RAB11FIP3: variants seen among roughly 807,000 people sequenced by gnomAD.
RAB11FIP3 encodes rab11 family-interacting protein 3.
In RAB11FIP3, 17 loss-of-function variants were observed where a neutral mutation model predicts 77.8. That is an observed-to-expected ratio of 0.22 (90% CI 0.15 to 0.33). RAB11FIP3 has a LOEUF of 0.33. Ranked by LOEUF, RAB11FIP3 falls within the 10% of genes least tolerant of loss-of-function variation. The pLI is 1.00. For missense variants in RAB11FIP3, 1,005 were observed against 1,011.2 expected (o/e 0.99, Z 0.08); for synonymous variants, 437 against 448.2 (o/e 0.98, Z 0.31).
rs1187968632 is a variant in RAB11FIP3 at position 472,981 on chromosome 16, C to T, written c.903+1592C>T. Among the ~76,000 whole-genome samples the T allele has an allele frequency of 6.6e-6, 1 of 152,160 alleles. No homozygotes were observed. Among genetic ancestry groups the T allele is most frequent in the Non-Finnish European group, 1.5e-5 (1 of 68,026 alleles). On this transcript the variant is annotated intron_variant, in intron 3 of 13. Transcript: ENST00000262305. The surrounding 1 kb of genome is among the most constrained non-coding windows in gnomAD (Gnocchi z 4.1). ...AGGGAACTCCTGGGGCTCCCAGAAG[C>T]CAGCAGAGGCAAAGATGCATCCTCT...
intron 5 of RAB11FIP3, among the ~76,000 whole-genome samples, chr16:492,965 G>T (rs143971274): frequency 6.6e-6 from 1 of 152,172 alleles, no homozygotes; most frequent in East Asian, 1.9e-4. Flanking sequence ...TCTATGAAGC[G>T]GGCCAGGCGC....
In RAB11FIP3 at chr16:510,783, C is replaced by G. The variant is rs143343068; in HGVS notation, c.1623C>G (p.Ile541Met). The G allele has an allele frequency of 5.6e-6, 9 of 1,613,124 alleles. No homozygotes were observed. The highest frequency in any genetic ancestry group is 1.3e-5 in the African/African-American group (1 of 74,878). The change falls in exon 9 of 14, where the codon ATC (isoleucine) becomes ATG (methionine). Residue 541 changes from isoleucine (I) to methionine (M), a missense_variant. Coordinates refer to ENST00000262305, the MANE Select transcript of RAB11FIP3 (RefSeq NM_014700.4). ...CKMEREKSIE[I>M]ENLQTRLQQL... ...TGGAGAGGGAGAAGAGCATTGAGATCGAGAACCTGCAGACCAGGTAGGCGG... is the reference window on the plus strand; with the variant it reads ...TGGAGAGGGAGAAGAGCATTGAGATGGAGAACCTGCAGACCAGGTAGGCGG...
intron 9 of RAB11FIP3, 54 bp from the exon 10 acceptor site, chr16:518,889 C>T: frequency 6.3e-6 from 10 of 1,581,694 alleles, no homozygotes; most frequent in Non-Finnish European, 8.7e-6. Flanking sequence ...GGCACACTGG[C>T]CCTGTAGAGG....
rs1218584764 is a variant in RAB11FIP3 at position 519,693 on chromosome 16, G to A, written c.1723-61G>A. On this transcript the variant is annotated intron_variant, in intron 10 of 13. Transcript: ENST00000262305. The stretch of plus-strand genomic sequence containing the variant: ...GAGATTGGAGGGACAGACGGCCGGG[G>A]CAAGCTGCATGCACAGGTAGGTGCG... 10 of 1,575,978 alleles carry A rather than the reference G, an allele frequency of 6.3e-6. No individual in the cohort carries two copies. In the African/African-American group the frequency reaches 8.1e-5, roughly 13 times the overall value.
intron 1 of RAB11FIP3, among the ~76,000 whole-genome samples, chr16:439,610 C>T (rs1212809239): frequency 6.6e-6 from 1 of 152,128 alleles, no homozygotes; most frequent in Non-Finnish European, 1.5e-5. Context: ...TTTATTTTGC[C>T]ATGGTTGAGG....
At chr16:491,033 C>T in intron 5 of RAB11FIP3, 1 of 1,087,466 alleles carries the variant, frequency 9.2e-7, no homozygotes, top group Non-Finnish European at 1.2e-6. Flanking sequence ...GCTTTTGTTC[C>T]ACACCATGTC....
chr16:457,513 T>TC (rs986981749), intron 1 of RAB11FIP3, among the ~76,000 whole-genome samples: 2 of 148,334 alleles, frequency 1.3e-5, no homozygotes, highest in Non-Finnish European at 3.0e-5. Flanking sequence ...AGTTTCACCT[T>TC]TTTTTTTTTT....
chr16:492,419 G>GCCCTCCCGGGAGACCCGAGGCCGCCCAGA (rs1567392131), intron 5 of RAB11FIP3, among the ~76,000 whole-genome samples: 13 of 70,594 alleles, frequency 1.8e-4, no homozygotes, highest in South Asian at 7.8e-4. Flanking sequence ...GGCCGCCCAG[G>GCCCTCCCGGGAGACCCGAGGCCGCCCAGA]GCCCTCCCCG....
At chr16:515,797 T>C (rs989211532) in intron 9 of RAB11FIP3, among the ~76,000 whole-genome samples, 1 of 152,054 alleles carries the variant, frequency 6.6e-6, no homozygotes, top group Non-Finnish European at 1.5e-5. Context: ...TGCATCTTGG[T>C]ACATGAAGGC....
At chr16:460,769 C>T (rs2055591760) in intron 1 of RAB11FIP3, among the ~76,000 whole-genome samples, 1 of 152,012 alleles carries the variant, frequency 6.6e-6, no homozygotes, top group Admixed American at 6.5e-5. Context: ...CAGAACTGAT[C>T]TCCCCACGTA....
intron 4 of RAB11FIP3, among the ~76,000 whole-genome samples, chr16:484,946 A>G (rs1381237915): frequency 1.3e-5 from 2 of 152,078 alleles, no homozygotes; most frequent in Non-Finnish European, 2.9e-5. Context: ...CCTCAGCAGC[A>G]TGTGGCCATG....
intron 4 of RAB11FIP3, among the ~76,000 whole-genome samples, chr16:486,950 C>A (rs1240135997): frequency 6.6e-6 from 1 of 152,194 alleles, no homozygotes; most frequent in African/African-American, 2.4e-5. Context: ...AGCACCCAAT[C>A]ATAAGAAACA....
intron 1 of RAB11FIP3, among the ~76,000 whole-genome samples, chr16:451,774 A>T (rs2141615533): frequency 6.6e-6 from 1 of 150,670 alleles, no homozygotes; most frequent in Non-Finnish European, 1.5e-5. Flanking sequence ...AGCGGAGGTT[A>T]CAGTGACCCG....
rs552727984 is a variant in RAB11FIP3 at position 461,869 on chromosome 16, C to T, written c.808+372C>T. Among the ~76,000 whole-genome samples the T allele has an allele frequency of 1.3e-5, 2 of 152,346 alleles. No individual in the cohort carries two copies. Among genetic ancestry groups the T allele is most frequent in the East Asian group, 1.9e-4 (1 of 5,188 alleles). ...AGCACTTCGTCGCACTCTCTCCCCACGTCTCTGTCCATCTCCAGTCTGTCC... is the reference window on the plus strand; with the variant it reads ...AGCACTTCGTCGCACTCTCTCCCCATGTCTCTGTCCATCTCCAGTCTGTCC... On this transcript the variant is annotated intron_variant, in intron 2 of 13. Coordinates refer to ENST00000262305, the MANE Select transcript of RAB11FIP3 (RefSeq NM_014700.4). This position sits in a 1 kb window ranked among gnomAD's most constrained non-coding sequence, Gnocchi z 4.5.
intron 1 of RAB11FIP3, among the ~76,000 whole-genome samples, chr16:434,500 C>A (rs1052727719): frequency 2.0e-5 from 3 of 152,010 alleles, no homozygotes; most frequent in Non-Finnish European, 4.4e-5. Flanking sequence ...AATCACTGGT[C>A]ACTGCAGCCT....
At chr16:502,859 G>A in intron 6 of RAB11FIP3, 145 bp from the exon 7 acceptor site, 1 of 695,522 alleles carries the variant, frequency 1.4e-6, no homozygotes, top group Non-Finnish European at 2.5e-6. Flanking sequence ...TTAAGTGGGA[G>A]AAGACCACCA....
chr16:489,217 A>C, intron 5 of RAB11FIP3: 2 of 609,054 alleles, frequency 3.3e-6, no homozygotes, highest in Non-Finnish European at 5.5e-6. Flanking sequence ...ATCACTCTAC[A>C]TTTCTGAGGC....
chr16:508,074 A>G (rs1050701947), intron 8 of RAB11FIP3, among the ~76,000 whole-genome samples: 6 of 152,204 alleles, frequency 3.9e-5, no homozygotes, highest in African/African-American at 1.4e-4. Flanking sequence ...TGTCACTGAT[A>G]GTTGCCTGGA....
intron 8 of RAB11FIP3, among the ~76,000 whole-genome samples, chr16:509,281 G>T (rs948543483): frequency 6.6e-6 from 1 of 152,252 alleles, no homozygotes; most frequent in South Asian, 2.1e-4. Context: ...GCAGCAGGCT[G>T]CCCTGACGCT....
Sources: allele counts gnomAD v4.1 joint callset (sites outside exome capture counted in the v4.1 genomes callset), GRCh38; gene constraint gnomAD v4.1.1; non-coding constraint Gnocchi (gnomAD v3.1); transcripts MANE v1.5; gene names NCBI Gene and HGNC (gene_info 2026-07-23, HGNC 2026-07-21).